NCR2: variants seen among roughly 807,000 people sequenced by gnomAD.
NCR2 encodes NK cell activating receptor (NKp44).
Under a neutral mutation model 30.7 loss-of-function variants are expected in NCR2, and 35 were observed. The ratio of observed to expected loss-of-function variants is 1.14; its 90% CI spans 0.87 to 1.51. NCR2 has a LOEUF of 1.51. Ranked by LOEUF, NCR2 falls within the 40% of genes most tolerant of loss-of-function variation. NCR2 has a pLI of 0.00. For synonymous variants in NCR2, 146 were observed against 134.8 expected (o/e 1.08, Z -0.58); for missense variants, 316 against 328.9 (o/e 0.96, Z 0.30).
At position 41,350,831 on chromosome 6, in the gene NCR2, G is replaced by C; in HGVS notation, c.798G>C (p.Lys266Asn). ...EILYHTVARTKISDDDDEHTL is the reference protein window; with the variant it reads ...EILYHTVARTNISDDDDEHTL ...TATATCACACTGTTGCAAGGACTAA[G>C]ATAAGCGATGATGATGATGAACACA... Residue 266 changes from lysine (K) to asparagine (N), a missense_variant, in exon 5 of 5, where the codon AAG (lysine) becomes AAC (asparagine). By Grantham distance (94) the Lys-to-Asn change is moderately conservative (BLOSUM62 0). Coordinates refer to ENST00000373089, the MANE Select transcript of NCR2 (RefSeq NM_004828.4). 1.1e-6 allele frequency: 1 copy of C among 938,176 alleles called. No individual in the cohort carries two copies. The highest frequency in any genetic ancestry group is 1.8e-5 in the Admixed American group (1 of 56,868). 58.1% of individuals were successfully genotyped at this position (938,176 alleles called of 1,614,324 possible).
chr6:41,346,175 C>T (rs987952799), intron 4 of NCR2, among the ~76,000 whole-genome samples: 2 of 152,130 alleles, frequency 1.3e-5, no homozygotes, highest in African/African-American at 4.8e-5. Flanking sequence ...ACTCTGACTG[C>T]TCCCGCCATA....
intron 4 of NCR2, among the ~76,000 whole-genome samples, chr6:41,345,636 C>T (rs1259354754): frequency 6.6e-6 from 1 of 152,074 alleles, no homozygotes; most frequent in African/African-American, 2.4e-5. Context: ...AGTACAGCCT[C>T]TTGGTGCCTT....
At position 41,342,119 on chromosome 6, in the gene NCR2, G is replaced by A; in HGVS notation, c.614G>A (p.Ser205Asn). ...TTCTGTGGACTCCTCGTAGCCAAGA[G>A]CCTGGTGCTGTCAGCCCTGCTCGTC... is the stretch of plus-strand genomic sequence containing the variant. ...PVFCGLLVAK[S>N]LVLSALLVWW... Residue 205 changes from serine (S) to asparagine (N), a missense_variant, in exon 4 of 5, where the codon AGC becomes AAC. By Grantham distance (46) the Ser-to-Asn change is conservative. Coordinates refer to ENST00000373089, the MANE Select transcript of NCR2 (RefSeq NM_004828.4). 6.2e-7 allele frequency: 1 copy of A among 1,613,466 alleles called. No homozygotes were observed.
intron 1 of NCR2, 27 bp from the exon 2 acceptor site, chr6:41,336,060 C>T: frequency 1.9e-6 from 3 of 1,605,268 alleles, no homozygotes; most frequent in Non-Finnish European, 2.6e-6. Flanking sequence ...GTGGCCTTGA[C>T]CTATGCGTTA....
intron 4 of NCR2, among the ~76,000 whole-genome samples, chr6:41,349,060 T>C (rs1364515123): frequency 6.8e-6 from 1 of 147,280 alleles, no homozygotes; most frequent in Non-Finnish European, 1.5e-5. Context: ...ATATAAATTA[T>C]TATAGTTTAT....
At chr6:41,341,107 T>G (rs980542968) in intron 2 of NCR2, among the ~76,000 whole-genome samples, 2 of 152,110 alleles carry the variant, frequency 1.3e-5, no homozygotes, top group Non-Finnish European at 2.9e-5. Flanking sequence ...AACCCTACTT[T>G]CTTTTCCTTC....
At chr6:41,336,903 A>G (rs1050783610) in intron 2 of NCR2, among the ~76,000 whole-genome samples, 1 of 152,180 alleles carries the variant, frequency 6.6e-6, no homozygotes, top group African/African-American at 2.4e-5. Context: ...ATCAAAAGAA[A>G]AACAATATTT....
At chr6:41,345,958 T>C (rs1769289598) in intron 4 of NCR2, among the ~76,000 whole-genome samples, 1 of 152,114 alleles carries the variant, frequency 6.6e-6, no homozygotes, top group Non-Finnish European at 1.5e-5. Flanking sequence ...CTTTGCCTCA[T>C]GCTCCTGAGC....
chr6:41,342,783 G>C, intron 4 of NCR2: 1 of 696,228 alleles, frequency 1.4e-6, no homozygotes, highest in Non-Finnish European at 2.5e-6. Flanking sequence ...ACCATAGGTG[G>C]GGCTGAGTGA....
At chr6:41,344,997 C>T (rs1262575786) in intron 4 of NCR2, among the ~76,000 whole-genome samples, 3 of 152,096 alleles carry the variant, frequency 2.0e-5, no homozygotes, top group South Asian at 2.1e-4. Context: ...AAAGGGGTCT[C>T]GCTGCCCAAT....
At chr6:41,343,810 G>A (rs190945172) in intron 4 of NCR2, among the ~76,000 whole-genome samples, 1 of 152,022 alleles carries the variant, frequency 6.6e-6, no homozygotes, top group Admixed American at 6.6e-5. Flanking sequence ...TAAACAACTT[G>A]GTTTTGGCTT....
At chr6:41,349,791 T>C (rs995055603) in intron 4 of NCR2, among the ~76,000 whole-genome samples, 30 of 152,312 alleles carry the variant, frequency 2.0e-4, no homozygotes, top group Non-Finnish European at 2.9e-4. Flanking sequence ...TAGCCTTGGT[T>C]TCATCTTTAG....
At chr6:41,344,088 G>T (rs920149653) in intron 4 of NCR2, among the ~76,000 whole-genome samples, 3 of 151,988 alleles carry the variant, frequency 2.0e-5, no homozygotes, top group African/African-American at 7.3e-5. Context: ...CTAACAGGGG[G>T]TCCTGTCTTC....
chr6:41,349,417 C>G (rs1050507859), intron 4 of NCR2, among the ~76,000 whole-genome samples: 1 of 152,106 alleles, frequency 6.6e-6, no homozygotes, highest in Non-Finnish European at 1.5e-5. Flanking sequence ...TTCCTGGCAT[C>G]TTTTCCTCTA....
Position 41,342,158 on chromosome 6 carries a change from G to T in NCR2, c.644+9G>T, listed in dbSNP as rs764370696. 6 of 1,611,950 alleles carry T rather than the reference G, an allele frequency of 3.7e-6. No homozygotes were observed. The highest frequency in any genetic ancestry group is 5.1e-6 in the Non-Finnish European group (6 of 1,179,940). Reference sequence around the variant, plus strand: ...GCCCTGCTCGTCTGGTGGTGAGTGTGGTGTGGGTTGAACTCGGGGAAAATG... The same window carrying T: ...GCCCTGCTCGTCTGGTGGTGAGTGTTGTGTGGGTTGAACTCGGGGAAAATG... On this transcript the variant is annotated intron_variant, in intron 4 of 4. Transcript: ENST00000373089.
intron 4 of NCR2, among the ~76,000 whole-genome samples, chr6:41,346,343 C>G (rs1479661413): frequency 6.6e-6 from 1 of 152,128 alleles, no homozygotes; most frequent in African/African-American, 2.4e-5. Context: ...AATAGCCCCC[C>G]TCTTAATCTC....
In NCR2 at chr6:41,350,857, C is replaced by T. The variant is rs1161452981; in HGVS notation, c.824C>T (p.Thr275Ile). 2 of 835,504 alleles carry T rather than the reference C, an allele frequency of 2.4e-6. No homozygotes were observed. The highest frequency in any genetic ancestry group is 2.8e-5 in the South Asian group (2 of 71,732). The allele number at this position is 835,504 out of a possible 1,614,324, so 51.8% of individuals were successfully genotyped here. A position where few individuals can be genotyped will look rare whatever the true frequency, so the allele number is the denominator to read the frequency against. ...ATAAGCGATGATGATGATGAACACACTTTGTGAATAATAAAATTATCTGAA... is the reference window on the plus strand; with the variant it reads ...ATAAGCGATGATGATGATGAACACATTTTGTGAATAATAAAATTATCTGAA... ...TKISDDDDEH[T>I]L is the part of the protein sequence containing the mutation. The change falls in exon 5 of 5, where the codon ACT (threonine) becomes ATT (isoleucine). Residue 275 changes from threonine to isoleucine, a missense_variant. Coordinates refer to ENST00000373089, the MANE Select transcript of NCR2 (RefSeq NM_004828.4).
chr6:41,342,767 GA>G lies in NCR2; in HGVS notation c.644+624del, dbSNP rs377675188. ...CCCCCAGGGAGAAGGGGACACATGGGAAAAAACCATAGGTGGGGCTGAGTGA... is the reference window on the plus strand; with the variant it reads ...CCCCCAGGGAGAAGGGGACACATGGGAAAAACCATAGGTGGGGCTGAGTGA... On this transcript the variant is annotated intron_variant, in intron 4 of 4. Transcript: ENST00000373089. The G allele has an allele frequency of 4.9e-3, 3,205 of 657,364 alleles. 32 individuals carry two copies. Among genetic ancestry groups the G allele is most frequent in the African/African-American group, 0.026 (1,415 of 55,026 alleles). The allele number at this position is 657,364 out of a possible 1,614,324, so 40.7% of individuals were successfully genotyped here. A position where few individuals can be genotyped will look rare whatever the true frequency, so the allele number is the denominator to read the frequency against.
In NCR2 at chr6:41,350,888, T is replaced by C; in HGVS notation, c.*24T>C. 2.5e-6 allele frequency: 2 copies of C among 792,428 alleles called. No individual in the cohort carries two copies. The allele number at this position is 792,428 out of a possible 1,614,324, so 49.1% of individuals were successfully genotyped here. On this transcript the variant is annotated 3_prime_UTR_variant, in exon 5 of 5. Transcript: ENST00000373089. ...GAATAATAAAATTATCTGAATGTTT[T>C]ATTCCTGTTGTTTCCTAAGTTTCCT...
Sources: allele counts gnomAD v4.1 joint callset (sites outside exome capture counted in the v4.1 genomes callset), GRCh38; gene constraint gnomAD v4.1.1; transcripts MANE v1.5; gene names NCBI Gene and HGNC (gene_info 2026-07-23, HGNC 2026-07-21).